SLCO2A1: variants seen among roughly 807,000 people sequenced by gnomAD.
The protein encoded by SLCO2A1 is solute carrier organic anion transporter family member 2A1.
Under a neutral mutation model 71.7 loss-of-function variants are expected in SLCO2A1, and 60 were observed. The observed-to-expected ratio is 0.84, with a 90% CI of 0.68 to 1.04. The LOEUF (loss-of-function observed/expected upper bound fraction) is 1.04. SLCO2A1 is among the 50% of genes least tolerant of loss of function. SLCO2A1 has a pLI of 0.00. For synonymous variants in SLCO2A1, 308 were observed against 326.7 expected, an observed-to-expected ratio of 0.94 and a Z score of 0.62; for missense variants, 745 against 813.4, an observed-to-expected ratio of 0.92 and a Z score of 1.02.
chr3:133,981,947 C>T (rs1306466330), intron 1 of SLCO2A1, among the ~76,000 whole-genome samples: 3 of 134,304 alleles, frequency 2.2e-5, no homozygotes, highest in Admixed American at 8.0e-5. Context: ...TGCATTCCAT[C>T]GTGGGCGACA....
At chr3:133,995,292 T>C (rs1187421090) in intron 1 of SLCO2A1, among the ~76,000 whole-genome samples, 1 of 152,110 alleles carries the variant, frequency 6.6e-6, no homozygotes, top group Non-Finnish European at 1.5e-5. Context: ...CACAGCCCTG[T>C]AAAAACCCTC....
intron 1 of SLCO2A1, among the ~76,000 whole-genome samples, chr3:133,989,698 G>A (rs1213491154): frequency 6.6e-6 from 1 of 152,210 alleles, no homozygotes; most frequent in Non-Finnish European, 1.5e-5. Flanking sequence ...AGTACCGCAG[G>A]TTGGGAATAA....
At chr3:133,983,873 A>G (rs911969121) in intron 1 of SLCO2A1, among the ~76,000 whole-genome samples, 1 of 152,186 alleles carries the variant, frequency 6.6e-6, no homozygotes, top group Non-Finnish European at 1.5e-5. Context: ...GCACCAAATT[A>G]GAGGCTCTTG....
intron 1 of SLCO2A1, among the ~76,000 whole-genome samples, chr3:134,022,462 G>A (rs935887112): frequency 6.6e-5 from 10 of 152,112 alleles, no homozygotes; most frequent in African/African-American, 2.2e-4. Context: ...GTTTTAAAAC[G>A]TTAATTATAA....
chr3:133,948,853 C>A (rs748596500), intron 7 of SLCO2A1, 40 bp downstream of exon 7: 2 of 1,604,740 alleles, frequency 1.2e-6, no homozygotes, highest in Non-Finnish European at 1.7e-6. Context: ...TCCCCTCCCC[C>A]GCACTGTGCC....
chr3:133,941,480 T>C (rs75128841), intron 11 of SLCO2A1, among the ~76,000 whole-genome samples: 6,791 of 152,030 alleles, frequency 0.045, 506 homozygotes, highest in African/African-American at 0.16. Context: ...ACTTTAATCC[T>C]GGCACCGGGA....
chr3:134,029,103 G>A (rs1935760686), intron 1 of SLCO2A1, among the ~76,000 whole-genome samples: 4 of 152,212 alleles, frequency 2.6e-5, no homozygotes, highest in African/African-American at 7.2e-5. Context: ...GCCTGGGGAA[G>A]CCGCCCGCTG....
intron 3 of SLCO2A1, among the ~76,000 whole-genome samples, chr3:133,962,682 C>G (rs1934067268): frequency 6.6e-6 from 1 of 152,216 alleles, no homozygotes; most frequent in Non-Finnish European, 1.5e-5. Flanking sequence ...TAGGAAGAAA[C>G]AGCAACCTCT....
At chr3:134,018,477 C>A (rs1053193995) in intron 1 of SLCO2A1, among the ~76,000 whole-genome samples, 5 of 152,164 alleles carry the variant, frequency 3.3e-5, no homozygotes, top group African/African-American at 1.2e-4. Flanking sequence ...TCCTCCCAGG[C>A]CAGAAGTCAC....
rs562593050 is a variant in SLCO2A1 at position 133,980,954 on chromosome 3, G to T, written c.97-1336C>A. Among the ~76,000 whole-genome samples, 143 of 152,348 alleles carry T rather than the reference G, an allele frequency of 9.4e-4. 1 individual carries two copies. The highest frequency in any genetic ancestry group is 3.3e-3 in the African/African-American group (137 of 41,576). ...TAGAAGGAAGCCTGCCTGTCTGGGG[G>T]CATGGTGGCACTCCACCCCTGCCAT... On this transcript the variant is annotated intron_variant, in intron 1 of 13. Transcript: ENST00000310926.
intron 1 of SLCO2A1, among the ~76,000 whole-genome samples, chr3:134,020,021 G>A (rs570851010): frequency 1.0e-3 from 153 of 152,220 alleles, no homozygotes; most frequent in African/African-American, 3.0e-3. Context: ...ATCGACCCCT[G>A]ACCTAATCGG....
intron 1 of SLCO2A1, among the ~76,000 whole-genome samples, chr3:134,015,328 A>G (rs1454015497): frequency 6.6e-6 from 1 of 152,112 alleles, no homozygotes; most frequent in African/African-American, 2.4e-5. Flanking sequence ...TAAGTGAAAT[A>G]AGACAGGCAC....
chr3:133,946,138 G>A (rs942177954), intron 9 of SLCO2A1, among the ~76,000 whole-genome samples: 2 of 151,590 alleles, frequency 1.3e-5, no homozygotes, highest in Non-Finnish European at 2.9e-5. Context: ...CAGAAGTGCC[G>A]TACAGACTAG....
At chr3:134,009,604 A>C (rs1334437463) in intron 1 of SLCO2A1, among the ~76,000 whole-genome samples, 1 of 152,242 alleles carries the variant, frequency 6.6e-6, no homozygotes, top group Non-Finnish European at 1.5e-5. Context: ...CACGCCCATG[A>C]AGGGCGTAAA....
At chr3:133,947,471 C>T in intron 8 of SLCO2A1, 26 bp from the exon 9 acceptor site, 1 of 1,593,776 alleles carries the variant, frequency 6.3e-7, no homozygotes, top group Non-Finnish European at 8.6e-7. Context: ...AGGAGGTGAT[C>T]CAGGTGCACA....
chr3:133,961,268 C>A (rs570748208), intron 3 of SLCO2A1, among the ~76,000 whole-genome samples: 1 of 152,012 alleles, frequency 6.6e-6, no homozygotes, highest in South Asian at 2.1e-4. Context: ...AATGCATAGC[C>A]CAGAGGGTGT....
rs562331433 is a variant in SLCO2A1 at position 133,960,540 on chromosome 3, G to C, written c.398-5347C>G. Among the ~76,000 whole-genome samples the C allele has an allele frequency of 1.3e-5, 2 of 152,274 alleles. 1 individual carries two copies. Among genetic ancestry groups the C allele is most frequent in the Admixed American group, 1.3e-4 (2 of 15,298 alleles). On this transcript the variant is annotated intron_variant, in intron 3 of 13. Coordinates refer to ENST00000310926, the MANE Select transcript of SLCO2A1 (RefSeq NM_005630.3). Reference sequence around the variant, plus strand: ...CAGAAAGTAGAATGGTGGTTGCCAGGGACTGGGGGAGATGGGAATGAAGAG... The same window carrying C: ...CAGAAAGTAGAATGGTGGTTGCCAGCGACTGGGGGAGATGGGAATGAAGAG...
chr3:133,945,004 T>A, intron 10 of SLCO2A1, 91 bp downstream of exon 10: 2 of 1,441,768 alleles, frequency 1.4e-6, no homozygotes, highest in Admixed American at 2.1e-5. Context: ...GCCCTGCCTA[T>A]CCTGGAGCCG....
chr3:133,944,831 C>A (rs1347077670), intron 10 of SLCO2A1, among the ~76,000 whole-genome samples: 1 of 152,214 alleles, frequency 6.6e-6, no homozygotes, highest in South Asian at 2.1e-4. Flanking sequence ...GGTTTCTGCT[C>A]TGAGCAGTTA....
Sources: gnomAD v4.1 joint callset for allele counts (sites outside exome capture counted in the v4.1 genomes callset) on GRCh38, gnomAD v4.1.1 for gene constraint, MANE v1.5 for transcripts, NCBI Gene and HGNC (gene_info 2026-07-23, HGNC 2026-07-21) for gene names.